The following HVCN1 variants were observed in gnomAD, a reference collection of about 807,000 sequenced individuals.
The protein encoded by HVCN1 is voltage-gated hydrogen channel 1.
In HVCN1, 14 loss-of-function variants were observed where a neutral mutation model predicts 29.2. That is an observed-to-expected ratio of 0.48 (90% CI 0.32 to 0.75). The LOEUF (loss-of-function observed/expected upper bound fraction) is 0.75. Among genes scored for constraint, HVCN1 ranks in the 30% least tolerant of loss-of-function variants. HVCN1 has a pLI of 0.04. For synonymous variants in HVCN1, 131 were observed against 133.2 expected, an observed-to-expected ratio of 0.98 and a Z score of 0.11; for missense variants, 263 against 341.8, an observed-to-expected ratio of 0.77 and a Z score of 1.82.
chr12:110,700,687 G>A (rs903671550), intron 2 of HVCN1, among the ~76,000 whole-genome samples: 4 of 152,056 alleles, frequency 2.6e-5, no homozygotes, highest in Non-Finnish European at 4.4e-5. Flanking sequence ...TGACCTCCTG[G>A]GCTCAAGTGA....
At chr12:110,650,327 C>T in intron 6 of HVCN1, 47 bp from the exon 7 acceptor site, 1 of 1,209,472 alleles carries the variant, frequency 8.3e-7, no homozygotes, top group Non-Finnish European at 1.2e-6. Flanking sequence ...CTAACTTAAC[C>T]ACTCAGGAAA....
At chr12:110,651,488 C>G in intron 5 of HVCN1, 40 bp from the exon 6 acceptor site, 2 of 1,416,278 alleles carry the variant, frequency 1.4e-6, no homozygotes, top group Non-Finnish European at 2.0e-6. Flanking sequence ...GAGATTGGGC[C>G]TCTGGGAGGT....
Position 110,661,457 on chromosome 12 carries a change from C to A in HVCN1, c.22-9G>T, listed in dbSNP as rs765214476. On this transcript the variant is annotated splice_polypyrimidine_tract_variant and intron_variant, in intron 3 of 7. Coordinates refer to ENST00000242607, the MANE Select transcript of HVCN1 (RefSeq NM_032369.4). The surrounding 1 kb of genome is among the most constrained non-coding windows in gnomAD (Gnocchi z 6.2). ...GCCCTGCGGGTGACTGCCTAGAAGGCGGGGACAGAGAGCAAGAGCTTCAGG... is the reference window on the plus strand; with the variant it reads ...GCCCTGCGGGTGACTGCCTAGAAGGAGGGGACAGAGAGCAAGAGCTTCAGG... 6.2e-7 allele frequency: 1 copy of A among 1,612,352 alleles called. No individual in the cohort carries two copies. The highest frequency in any genetic ancestry group is 1.1e-5 in the South Asian group (1 of 90,926).
At chr12:110,663,587 C>CAAAAAAAAAA (rs1182792368) in intron 3 of HVCN1, among the ~76,000 whole-genome samples, 53 of 25,658 alleles carry the variant, frequency 2.1e-3, no homozygotes, top group Middle Eastern at 0.024. Context: ...GACGCTGTCT[C>CAAAAAAAAAA]AAAAAAAAAA....
intron 3 of HVCN1, among the ~76,000 whole-genome samples, chr12:110,674,226 C>A (rs1380895529): frequency 6.6e-6 from 1 of 152,174 alleles, no homozygotes; most frequent in African/African-American, 2.4e-5. Flanking sequence ...CTTGCAGGGA[C>A]CCTGTAACTA....
At chr12:110,679,571 G>A (rs2068870636) in intron 3 of HVCN1, among the ~76,000 whole-genome samples, 1 of 152,226 alleles carries the variant, frequency 6.6e-6, no homozygotes, top group African/African-American at 2.4e-5. Context: ...GAGGAAAACT[G>A]GGCCGGGCGC....
In HVCN1 at chr12:110,661,036, A is replaced by AG; in HGVS notation, c.306+127dup. 1.2e-6 allele frequency: 1 copy of AG among 863,682 alleles called. No homozygotes were observed. Among genetic ancestry groups the AG allele is most frequent in the Non-Finnish European group, 1.8e-6 (1 of 541,000 alleles). 53.5% of individuals were successfully genotyped at this position (863,682 alleles called of 1,614,324 possible). A position where few individuals can be genotyped will look rare whatever the true frequency, so the allele number is the denominator to read the frequency against. ...CGGTACAGGGTCCCCGGCACGTGGT[A>AG]GGTGCTGGGCAAACACTCGTAGAAT... On this transcript the variant is annotated intron_variant, in intron 4 of 7. Coordinates refer to ENST00000242607, the MANE Select transcript of HVCN1 (RefSeq NM_032369.4). This position sits in a 1 kb window ranked among gnomAD's most constrained non-coding sequence, Gnocchi z 6.2.
At chr12:110,664,365 G>C (rs1032187850) in intron 3 of HVCN1, among the ~76,000 whole-genome samples, 5 of 152,130 alleles carry the variant, frequency 3.3e-5, no homozygotes, top group African/African-American at 9.7e-5. Context: ...GACTGTAAAA[G>C]AAAGATATGG....
intron 5 of HVCN1, among the ~76,000 whole-genome samples, chr12:110,652,241 C>G (rs1417478283): frequency 6.6e-6 from 1 of 152,054 alleles, no homozygotes; most frequent in East Asian, 1.9e-4. Flanking sequence ...TAAAAAAATA[C>G]AAAAAGTTAG....
At chr12:110,680,507 A>G (rs2068926918) in intron 3 of HVCN1, among the ~76,000 whole-genome samples, 1 of 152,316 alleles carries the variant, frequency 6.6e-6, no homozygotes, top group South Asian at 2.1e-4. Context: ...CTATTGTGAA[A>G]AAAGGAACAA....
rs1050300051 is a variant in HVCN1 at position 110,648,992 on chromosome 12, CTT to C, written c.*416_*417del. 2 of 452,932 alleles carry C rather than the reference CTT, an allele frequency of 4.4e-6. No homozygotes were observed. The highest frequency in any genetic ancestry group is 2.0e-5 in the African/African-American group (1 of 49,128). The allele number at this position is 452,932 out of a possible 1,614,324, so 28.1% of individuals were successfully genotyped here. ...TTTAGAACAGCTTGAAAATAAGAGA[CTT>C]TTCTAGAATGGGGTGGCAGCTAAAG... On this transcript the variant is annotated 3_prime_UTR_variant, in exon 8 of 8. Coordinates refer to ENST00000242607, the MANE Select transcript of HVCN1 (RefSeq NM_032369.4).
At chr12:110,651,160 G>T in intron 6 of HVCN1, 57 bp downstream of exon 6, 1 of 1,314,306 alleles carries the variant, frequency 7.6e-7, no homozygotes, top group Non-Finnish European at 1.1e-6. Context: ...GTCAGGCCTT[G>T]GATGTATGCC....
chr12:110,661,413 C>T lies in HVCN1; in HGVS notation c.57G>A (p.Glu19=). Residue 19 remains glutamate, a synonymous_variant, in exon 4 of 8, where the codon GAG becomes GAA. Transcript: ENST00000242607. The surrounding 1 kb of genome is among the most constrained non-coding windows in gnomAD (Gnocchi z 6.2). The part of the protein sequence containing the change: ...VTRRAKVAPA[E]RMSKFLRHFT... ...AGTGCCTTAAGAACTTGCTCATCCT[C>T]TCAGCGGGAGCCACCTTGGCCCTGC... 1.2e-6 allele frequency: 2 copies of T among 1,614,234 alleles called. No homozygotes were observed. The highest frequency in any genetic ancestry group is 1.7e-6 in the Non-Finnish European group (2 of 1,180,022).
At chr12:110,697,007 A>G (rs1337336220) in intron 2 of HVCN1, among the ~76,000 whole-genome samples, 1 of 151,962 alleles carries the variant, frequency 6.6e-6, no homozygotes, top group African/African-American at 2.4e-5. Context: ...GGAGACAGAA[A>G]AGACAGGGGG....
intron 3 of HVCN1, among the ~76,000 whole-genome samples, chr12:110,675,244 A>G (rs2068708715): frequency 6.6e-6 from 1 of 152,214 alleles, no homozygotes; most frequent in East Asian, 1.9e-4. Flanking sequence ...GGATCACCTG[A>G]GGTCAGGAGT....
chr12:110,664,043 G>A (rs772383586), intron 3 of HVCN1, among the ~76,000 whole-genome samples: 10 of 152,092 alleles, frequency 6.6e-5, no homozygotes, highest in South Asian at 4.2e-4. Flanking sequence ...TCAACCTCCC[G>A]GGTAGTTTGG....
At chr12:110,673,873 G>A (rs558704932) in intron 3 of HVCN1, among the ~76,000 whole-genome samples, 3 of 152,242 alleles carry the variant, frequency 2.0e-5, no homozygotes, top group Non-Finnish European at 4.4e-5. Flanking sequence ...GAGAACCTCT[G>A]CTAGGGCAGT....
In HVCN1 at chr12:110,649,300, G is replaced by T; in HGVS notation, c.*110C>A. On this transcript the variant is annotated 3_prime_UTR_variant, in exon 8 of 8. Coordinates refer to ENST00000242607, the MANE Select transcript of HVCN1 (RefSeq NM_032369.4). ...TCCATGCTGGCAGGAGGGAGGCAGAGGTATCAAACCAAACCTCTCACCAAG... is the reference window on the plus strand; with the variant it reads ...TCCATGCTGGCAGGAGGGAGGCAGATGTATCAAACCAAACCTCTCACCAAG... 1 of 810,136 alleles carries T rather than the reference G, an allele frequency of 1.2e-6. No homozygotes were observed. Among genetic ancestry groups the T allele is most frequent in the Non-Finnish European group, 2.1e-6 (1 of 472,640 alleles). The allele number at this position is 810,136 out of a possible 1,614,324, so 50.2% of individuals were successfully genotyped here. A position where few individuals can be genotyped will look rare whatever the true frequency, so the allele number is the denominator to read the frequency against.
In HVCN1 at chr12:110,676,453, C is replaced by T. The variant is rs756887748; in HGVS notation, c.21+6772G>A. Among the ~76,000 whole-genome samples, 18 of 152,184 alleles carry T rather than the reference C, an allele frequency of 1.2e-4. No individual in the cohort carries two copies. Among genetic ancestry groups the T allele is most frequent in the East Asian group, 1.9e-4 (1 of 5,192 alleles). ...GGAATTTGGACTTCTGGAAAATTCC[C>T]GCCATTCCCTGATAAGAGCAGCTCA... On this transcript the variant is annotated intron_variant, in intron 3 of 7. Transcript: ENST00000242607. This position sits in a 1 kb window ranked among gnomAD's most constrained non-coding sequence, Gnocchi z 4.1.
Sources: gnomAD v4.1 joint callset for allele counts (sites outside exome capture counted in the v4.1 genomes callset) on GRCh38, gnomAD v4.1.1 for gene constraint, Gnocchi (gnomAD v3.1) non-coding constraint, MANE v1.5 for transcripts, NCBI Gene and HGNC (gene_info 2026-07-23, HGNC 2026-07-21) for gene names.